The following SV2C variants were observed in gnomAD, a reference collection of about 807,000 sequenced individuals.
SV2C encodes the protein synaptic vesicle glycoprotein 2C.
In SV2C, 49 loss-of-function variants were observed where a neutral mutation model predicts 79.7. That is an observed-to-expected ratio of 0.61 (90% CI 0.49 to 0.78). The LOEUF is 0.78. Ranked by LOEUF, SV2C falls within the 30% of genes least tolerant of loss-of-function variation. The probability of loss-of-function intolerance (pLI) is 0.00; values close to 1 mark genes in which losing one functional copy is unlikely to be tolerated. For synonymous variants in SV2C, 334 were observed against 333.2 expected, an observed-to-expected ratio of 1.00 and a Z score of -0.03; for missense variants, 833 against 912.9, an observed-to-expected ratio of 0.91 and a Z score of 1.13.
chr5:76,195,976 G>T (rs928448977), intron 3 of SV2C, among the ~76,000 whole-genome samples: 1 of 151,746 alleles, frequency 6.6e-6, no homozygotes, highest in African/African-American at 2.4e-5. Context: ...TTTTTTTCAA[G>T]ATGTCTAACA....
intron 4 of SV2C, among the ~76,000 whole-genome samples, chr5:76,211,460 TTGCGTG>T (rs1043855168): frequency 9.8e-6 from 1 of 101,938 alleles, no homozygotes; most frequent in East Asian, 3.6e-4. Flanking sequence ...AGTGTTCTGG[TTGCGTG>T]TGTGTGTGTG....
At chr5:76,191,083 C>T (rs1238811609) in intron 2 of SV2C, among the ~76,000 whole-genome samples, 7 of 152,022 alleles carry the variant, frequency 4.6e-5, no homozygotes, top group Admixed American at 3.9e-4. Context: ...GTACAGGAAG[C>T]GTGGCTGGGG....
chr5:76,036,378 G>A, the SV2C span, among the ~76,000 whole-genome samples: 311 of 152,232 alleles, frequency 2.0e-3, no homozygotes, highest in African/African-American at 7.2e-3. Flanking sequence ...TGCAGCAGCT[G>A]GTACTGGTTT....
the SV2C span, among the ~76,000 whole-genome samples, chr5:76,050,322 G>A: frequency 6.6e-6 from 1 of 152,144 alleles, no homozygotes; most frequent in Non-Finnish European, 1.5e-5. Context: ...TGTCAGGGAG[G>A]TTAAAGAGAA....
At chr5:76,106,987 G>T (rs1017213011) in intron 1 of SV2C, among the ~76,000 whole-genome samples, 1 of 152,088 alleles carries the variant, frequency 6.6e-6, no homozygotes, top group South Asian at 2.1e-4. Context: ...TTTATATCTC[G>T]TGAGTGTTAA....
At chr5:76,035,555 T>G in the SV2C span, among the ~76,000 whole-genome samples, 11 of 152,090 alleles carry the variant, frequency 7.2e-5, no homozygotes, top group South Asian at 4.1e-4. Flanking sequence ...TGCAGTTGAG[T>G]GGTTTTGAGT....
Position 76,208,927 on chromosome 5 carries a change from C to A in SV2C, c.762-809C>A, listed in dbSNP as rs1328105561. On this transcript the variant is annotated intron_variant, in intron 3 of 12. Coordinates refer to ENST00000502798, the MANE Select transcript of SV2C (RefSeq NM_014979.4). ...AATTCTGATGAAATCTATGGCCCAT[C>A]TCCTAAAAATGAGCACTATTTTGAT... Among the ~76,000 whole-genome samples the A allele has an allele frequency of 3.9e-5, 6 of 152,142 alleles. No individual in the cohort carries two copies. The South Asian group carries it at 6.2e-4, about 16-fold the overall frequency.
the SV2C span, among the ~76,000 whole-genome samples, chr5:76,003,923 A>G: frequency 1.1e-3 from 175 of 152,206 alleles, no homozygotes; most frequent in Middle Eastern, 0.02. Flanking sequence ...CTAAATGCAC[A>G]GGCTCCAGAG....
At chr5:76,291,948 ATGC>A in intron 8 of SV2C, 92 bp downstream of exon 8, 1 of 950,494 alleles carries the variant, frequency 1.1e-6, no homozygotes, top group Non-Finnish European at 1.6e-6. Context: ...ATACTGCTTG[ATGC>A]TGTTAACCTG....
At chr5:76,270,409 A>G (rs541278513) in intron 4 of SV2C, among the ~76,000 whole-genome samples, 1 of 152,340 alleles carries the variant, frequency 6.6e-6, no homozygotes, top group South Asian at 2.1e-4. Context: ...TAGAAGTGTA[A>G]TCACAGCCCA....
At chr5:75,881,572 GTTCAC>G in the SV2C span, among the ~76,000 whole-genome samples, 1 of 151,770 alleles carries the variant, frequency 6.6e-6, no homozygotes, top group Non-Finnish European at 1.5e-5. Context: ...GTGAATGGGA[GTTCAC>G]TCATGATTTG....
At chr5:75,882,591 C>A in the SV2C span, among the ~76,000 whole-genome samples, 1 of 152,102 alleles carries the variant, frequency 6.6e-6, no homozygotes, top group East Asian at 1.9e-4. Flanking sequence ...TCAGAAATAA[C>A]ACCGCATATC....
the SV2C span, among the ~76,000 whole-genome samples, chr5:76,036,590 T>A: frequency 6.6e-6 from 1 of 152,262 alleles, no homozygotes; most frequent in Non-Finnish European, 1.5e-5. Context: ...TCTTCTGGCA[T>A]GTAGAATTTC....
chr5:76,000,932 C>T, the SV2C span, among the ~76,000 whole-genome samples: 1 of 151,654 alleles, frequency 6.6e-6, no homozygotes, highest in South Asian at 2.1e-4. Flanking sequence ...TTTCAGAGTG[C>T]TTTCTTCACA....
At chr5:76,029,138 A>G in the SV2C span, among the ~76,000 whole-genome samples, 16 of 152,216 alleles carry the variant, frequency 1.1e-4, no homozygotes, top group African/African-American at 3.9e-4. Flanking sequence ...GTTATTATGC[A>G]CAATTTGATA....
At chr5:75,980,142 A>G in the SV2C span, among the ~76,000 whole-genome samples, 2 of 152,188 alleles carry the variant, frequency 1.3e-5, no homozygotes, top group Non-Finnish European at 2.9e-5. Flanking sequence ...TCTCGGACAC[A>G]TACATCCTGC....
At chr5:76,158,043 T>TA (rs901502300) in intron 2 of SV2C, among the ~76,000 whole-genome samples, 60 of 147,778 alleles carry the variant, frequency 4.1e-4, no homozygotes, top group East Asian at 2.9e-3. Context: ...TTTAAAGTAG[T>TA]AAAAAAAAAA....
the SV2C span, among the ~76,000 whole-genome samples, chr5:75,983,086 TAACA>T: frequency 8.5e-5 from 13 of 152,292 alleles, no homozygotes; most frequent in East Asian, 2.5e-3. Context: ...TTTACCTATG[TAACA>T]AACCTGTAAC....
chr5:75,891,356 C>T, the SV2C span, among the ~76,000 whole-genome samples: 16 of 152,012 alleles, frequency 1.1e-4, no homozygotes, highest in African/African-American at 3.9e-4. Context: ...CATGTAACTG[C>T]CCACACTTTA....
Sources: allele counts gnomAD v4.1 joint callset (sites outside exome capture counted in the v4.1 genomes callset), GRCh38; gene constraint gnomAD v4.1.1; transcripts MANE v1.5; gene names NCBI Gene and HGNC (gene_info 2026-07-23, HGNC 2026-07-21).